ARB2A: variants seen among roughly 807,000 people sequenced by gnomAD.
ARB2A encodes the protein cotranscriptional regulator ARB2A.
chr5:93,997,408 A>T, the ARB2A span, among the ~76,000 whole-genome samples: 2 of 152,050 alleles, frequency 1.3e-5, no homozygotes, highest in Non-Finnish European at 2.9e-5. Context: ...TTCTTCCAAG[A>T]ATCTCAGTAT....
At chr5:94,090,545 C>T in the ARB2A span, among the ~76,000 whole-genome samples, 1 of 152,136 alleles carries the variant, frequency 6.6e-6, no homozygotes, top group African/African-American at 2.4e-5. Flanking sequence ...GCCCTGGCTA[C>T]AATTTCCAAC....
the ARB2A span, among the ~76,000 whole-genome samples, chr5:93,727,385 T>C: frequency 1.6e-4 from 24 of 152,012 alleles, no homozygotes; most frequent in Non-Finnish European, 2.6e-4. Context: ...TGTAAACCAT[T>C]TTAAGAGCTG....
the ARB2A span, among the ~76,000 whole-genome samples, chr5:93,928,202 T>G: frequency 1.3e-5 from 2 of 152,140 alleles, no homozygotes; most frequent in Admixed American, 1.3e-4. Flanking sequence ...TCATCCAAAA[T>G]ATGAAATGGG....
the ARB2A span, among the ~76,000 whole-genome samples, chr5:93,995,022 T>G: frequency 1.3e-5 from 2 of 152,138 alleles, no homozygotes; most frequent in East Asian, 3.8e-4. Context: ...AAAAATCTAT[T>G]ATAGAAAGTT....
the ARB2A span, among the ~76,000 whole-genome samples, chr5:93,625,961 A>C: frequency 6.6e-6 from 1 of 152,184 alleles, no homozygotes; most frequent in East Asian, 1.9e-4. Context: ...TGTTTCTTAT[A>C]CATCAACCCT....
chr5:93,690,607 AG>A, the ARB2A span, among the ~76,000 whole-genome samples: 1 of 152,126 alleles, frequency 6.6e-6, no homozygotes, highest in Non-Finnish European at 1.5e-5. Flanking sequence ...ACCTGGGGGA[AG>A]GGGTGGCTGT....
chr5:93,917,821 TG>T, the ARB2A span, among the ~76,000 whole-genome samples: 3 of 152,282 alleles, frequency 2.0e-5, no homozygotes, highest in Non-Finnish European at 2.9e-5. Context: ...GAGGTAGCAG[TG>T]GGCTGTGATT....
the ARB2A span, among the ~76,000 whole-genome samples, chr5:93,937,843 T>C: frequency 2.6e-5 from 4 of 152,190 alleles, no homozygotes; most frequent in Admixed American, 6.5e-5. Flanking sequence ...ACCTTACTTA[T>C]AATACCCAAA....
chr5:94,034,254 A>G, the ARB2A span, among the ~76,000 whole-genome samples: 1 of 152,326 alleles, frequency 6.6e-6, no homozygotes, highest in South Asian at 2.1e-4. Flanking sequence ...CCTTAATTAT[A>G]TATTCCAAGT....
At chr5:93,926,714 T>A in the ARB2A span, among the ~76,000 whole-genome samples, 1 of 152,010 alleles carries the variant, frequency 6.6e-6, no homozygotes, top group Non-Finnish European at 1.5e-5. Context: ...AGGCAGGATA[T>A]GTGGACCAAA....
chr5:94,068,862 C>CAAAAAAAAAAAA, the ARB2A span, among the ~76,000 whole-genome samples: 31 of 61,976 alleles, frequency 5.0e-4, no homozygotes, highest in Admixed American at 7.7e-4. Flanking sequence ...ACTAAAAATA[C>CAAAAAAAAAAAA]AAAAAAAAAA....
chr5:93,989,571 T>C, the ARB2A span, among the ~76,000 whole-genome samples: 2 of 152,104 alleles, frequency 1.3e-5, no homozygotes, highest in Non-Finnish European at 2.9e-5. Context: ...ACGGATCCTT[T>C]CCACAATATT....
the ARB2A span, among the ~76,000 whole-genome samples, chr5:93,873,314 AGAAAGGAAAGGAAAGGAAAG>A: frequency 1.1e-3 from 36 of 32,924 alleles, no homozygotes; most frequent in African/African-American, 3.4e-3. Flanking sequence ...GGGGGGGGAA[AGAAAGGAAAGGAAAGGAAAG>A]GAAAGGAAAG....
the ARB2A span, among the ~76,000 whole-genome samples, chr5:94,009,433 G>T: frequency 1.3e-5 from 2 of 151,784 alleles, no homozygotes; most frequent in Non-Finnish European, 2.9e-5. Context: ...CAAACACTGA[G>T]AACTCATCAA....
chr5:94,077,682 C>T, the ARB2A span, among the ~76,000 whole-genome samples: 5 of 152,044 alleles, frequency 3.3e-5, no homozygotes, highest in Middle Eastern at 3.2e-3. Context: ...TACATGCACT[C>T]GACATAGTTT....
the ARB2A span, chr5:93,866,096 G>C: frequency 8.1e-6 from 8 of 984,830 alleles, no homozygotes; most frequent in Non-Finnish European, 9.6e-6. Flanking sequence ...GTTAAAATGT[G>C]ATAAAAGGTT....
chr5:93,822,298 T>A, the ARB2A span, among the ~76,000 whole-genome samples: 1 of 152,104 alleles, frequency 6.6e-6, no homozygotes, highest in Non-Finnish European at 1.5e-5. Context: ...GGAACAAAAG[T>A]GGAGAAATAT....
chr5:93,869,607 A>C, the ARB2A span, among the ~76,000 whole-genome samples: 1 of 152,188 alleles, frequency 6.6e-6, no homozygotes, highest in African/African-American at 2.4e-5. Context: ...GATGGCCTGA[A>C]GCAACTGAAG....
chr5:93,910,527 A>G, the ARB2A span, among the ~76,000 whole-genome samples: 2 of 151,396 alleles, frequency 1.3e-5, no homozygotes, highest in Non-Finnish European at 3.0e-5. Flanking sequence ...CTTAAAAAAG[A>G]CAGCAAGAAA....
Sources: allele counts gnomAD v4.1 joint callset (sites outside exome capture counted in the v4.1 genomes callset), GRCh38; gene constraint gnomAD v4.1.1; transcripts MANE v1.5; gene names NCBI Gene and HGNC (gene_info 2026-07-23, HGNC 2026-07-21).